TEX14: variants seen among roughly 807,000 people sequenced by gnomAD.
The protein encoded by TEX14 is inactive serine/threonine-protein kinase TEX14.
In TEX14, 168 loss-of-function variants were observed where a neutral mutation model predicts 178.6. That is an observed-to-expected ratio of 0.94 (90% CI 0.83 to 1.07). The LOEUF is 1.07. Among genes scored for constraint, TEX14 ranks in the 50% least tolerant of loss-of-function variants. The pLI is 0.00. For synonymous variants in TEX14, 626 were observed against 634.1 expected (o/e 0.99, Z 0.19); for missense variants, 1,730 against 1,753.6 (o/e 0.99, Z 0.24).
intron 1 of TEX14, among the ~76,000 whole-genome samples, chr17:58,687,556 G>C (rs1415413821): frequency 6.6e-6 from 1 of 151,822 alleles, no homozygotes; most frequent in African/African-American, 2.4e-5. Flanking sequence ...GGCTGGTCTT[G>C]AACTCATCTC....
intron 2 of TEX14, chr17:58,631,599 A>T (rs1461922186): frequency 1.3e-5 from 2 of 148,696 alleles, no homozygotes; most frequent in Non-Finnish European, 3.0e-5. Context: ...AAACATGAGG[A>T]AACCAACTAC....
chr17:58,600,271 C>T (rs2045397836), intron 13 of TEX14, among the ~76,000 whole-genome samples: 1 of 152,172 alleles, frequency 6.6e-6, no homozygotes, highest in Admixed American at 6.5e-5. Context: ...CGCCTGTAAT[C>T]CCAACACTTT....
rs1024645373 is a variant in TEX14 at position 58,691,211 on chromosome 17, C to T, written c.-2+728G>A. 2.0e-5 allele frequency among the ~76,000 whole-genome samples: 3 copies of T among 152,078 alleles called. No homozygotes were observed. The South Asian group carries it at 6.2e-4, about 31-fold the overall frequency. Reference sequence around the variant, plus strand: ...AAACTATATGCTGAGCTTCCATGTCCTTATCTTCCTTTTGGCATGGCTATG... The same window carrying T: ...AAACTATATGCTGAGCTTCCATGTCTTTATCTTCCTTTTGGCATGGCTATG... On this transcript the variant is annotated intron_variant, in intron 1 of 31. Coordinates refer to ENST00000349033, the MANE Select transcript of TEX14 (RefSeq NM_031272.5).
chr17:58,684,397 G>T (rs302879), intron 1 of TEX14, among the ~76,000 whole-genome samples: 1 of 151,416 alleles, frequency 6.6e-6, no homozygotes, highest in Non-Finnish European at 1.5e-5. Context: ...GGGAGGCGGA[G>T]GTTGGAGTGA....
At chr17:58,604,577 T>C (rs1464505985) in intron 11 of TEX14, among the ~76,000 whole-genome samples, 1 of 151,648 alleles carries the variant, frequency 6.6e-6, no homozygotes, top group East Asian at 1.9e-4. Flanking sequence ...TTTTTTTCTT[T>C]TGAGACAGAG....
chr17:58,677,681 C>T (rs1036610032), intron 1 of TEX14: 5 of 151,698 alleles, frequency 3.3e-5, no homozygotes, highest in African/African-American at 1.2e-4. Flanking sequence ...AATGAGTGAA[C>T]CTTGCCCTGG....
At position 58,573,165 on chromosome 17, in the gene TEX14, T is replaced by C. The variant is rs1255963335; in HGVS notation, c.3511+16A>G. 3 of 1,613,506 alleles carry C rather than the reference T, an allele frequency of 1.9e-6. No homozygotes were observed. In the South Asian group the frequency reaches 3.3e-5, roughly 18 times the overall value. On this transcript the variant is annotated intron_variant, in intron 23 of 31. Coordinates refer to ENST00000349033, the MANE Select transcript of TEX14 (RefSeq NM_031272.5). Reference sequence around the variant, plus strand: ...GTAAGTCCTTCTCCCCAAACACTTCTCTTCCCTGTGATTACCTGGGCTGAG... The same window carrying C: ...GTAAGTCCTTCTCCCCAAACACTTCCCTTCCCTGTGATTACCTGGGCTGAG...
chr17:58,628,662 A>G (rs1241217569), intron 3 of TEX14, among the ~76,000 whole-genome samples: 2 of 150,702 alleles, frequency 1.3e-5, no homozygotes, highest in African/African-American at 4.9e-5. Context: ...CAATGAGCCG[A>G]GATTGCGCCA....
At position 58,556,966 on chromosome 17, in the gene TEX14, G is replaced by GCTTACAACACTCAAAGGAGCTTACA; in HGVS notation, c.*44_*45insTGTAAGCTCCTTTGAGTGTTGTAAG. On this transcript the variant is annotated 3_prime_UTR_variant, in exon 32 of 32. Coordinates refer to ENST00000349033, the MANE Select transcript of TEX14 (RefSeq NM_031272.5). Reference sequence around the variant, plus strand: ...AGAGAAGAAAGGAGCTTACAACCAGGACACTCAAACTCAGGCCAGGAGTCC... The same window carrying GCTTACAACACTCAAAGGAGCTTACA: ...AGAGAAGAAAGGAGCTTACAACCAGGCTTACAACACTCAAAGGAGCTTACAACACTCAAACTCAGGCCAGGAGTCC... The GCTTACAACACTCAAAGGAGCTTACA allele has an allele frequency of 4.0e-6, 6 of 1,518,460 alleles. 1 individual carries two copies. In the African/African-American group the frequency reaches 5.5e-5, roughly 14 times the overall value. 94.1% of individuals were successfully genotyped at this position (1,518,460 alleles called of 1,614,324 possible).
At chr17:58,578,896 C>T (rs2044744695) in intron 20 of TEX14, among the ~76,000 whole-genome samples, 1 of 152,240 alleles carries the variant, frequency 6.6e-6, no homozygotes, top group African/African-American at 2.4e-5. Flanking sequence ...GTTCATAACA[C>T]TACGCTGTTT....
At position 58,611,264 on chromosome 17, in the gene TEX14, G is replaced by C. The variant is rs1567734591; in HGVS notation, c.1081C>G (p.Leu361Val). ...LLQISDALRYLHFQGFIHRSL... is the reference protein window; with the variant it reads ...LLQISDALRYVHFQGFIHRSL... ...CGGTGGATAAACCCCTGGAAATGCAGGTATCTCAGGGCATCAGATATCTGG... is the reference window on the plus strand; with the variant it reads ...CGGTGGATAAACCCCTGGAAATGCACGTATCTCAGGGCATCAGATATCTGG... The change falls in exon 10 of 32, where the codon CTG becomes GTG. Residue 361 changes from leucine (L) to valine (V), a missense_variant. This residue lies in a region of TEX14 where 789 missense variants were observed against 681.2 expected (regional missense o/e 1.16). Transcript: ENST00000349033. 6.2e-7 allele frequency: 1 copy of C among 1,613,176 alleles called. No individual in the cohort carries two copies. Among genetic ancestry groups the C allele is most frequent in the Non-Finnish European group, 8.5e-7 (1 of 1,179,284 alleles).
intron 5 of TEX14, among the ~76,000 whole-genome samples, chr17:58,620,715 G>A (rs2045979121): frequency 1.3e-5 from 2 of 152,058 alleles, no homozygotes; most frequent in Admixed American, 6.6e-5. Context: ...GGCTGGTCTC[G>A]AACTCCTGAC....
rs1223552644 is a variant in TEX14 at position 58,569,931 on chromosome 17, T to C, written c.3817+454A>G. Among the ~76,000 whole-genome samples, 1 of 152,146 alleles carries C rather than the reference T, an allele frequency of 6.6e-6. No individual in the cohort carries two copies. Among genetic ancestry groups the C allele is most frequent in the Non-Finnish European group, 1.5e-5 (1 of 68,024 alleles). ...AAAGGATCAGAGGTACAGATAAAAA[T>C]TTATGTATAAAGAGCAAAAATTGGA... On this transcript the variant is annotated intron_variant, in intron 25 of 31. Transcript: ENST00000349033. The surrounding 1 kb of genome is among the most constrained non-coding windows in gnomAD (Gnocchi z 4.1).
intron 11 of TEX14, among the ~76,000 whole-genome samples, chr17:58,603,399 C>T (rs768326600): frequency 2.2e-4 from 33 of 151,276 alleles, no homozygotes; most frequent in Non-Finnish European, 1.8e-4. Flanking sequence ...ACTAAAAATA[C>T]AAAAATTAGC....
intron 2 of TEX14, 125 bp from the exon 3 acceptor site, chr17:58,630,679 A>T (rs1290687079): frequency 2.1e-5 from 13 of 633,246 alleles, no homozygotes; most frequent in African/African-American, 7.4e-5. Context: ...GCTTTTTTTT[A>T]AAAAAAGTAC....
chr17:58,636,684 T>G (rs531513168), intron 2 of TEX14, among the ~76,000 whole-genome samples: 11 of 152,136 alleles, frequency 7.2e-5, no homozygotes, highest in African/African-American at 2.7e-4. Context: ...TCCCAGCACT[T>G]TGGGAGGCAC....
chr17:58,566,844 G>C (rs2044410704), intron 26 of TEX14, among the ~76,000 whole-genome samples: 1 of 148,820 alleles, frequency 6.7e-6, no homozygotes. Context: ...TGAAAGCAAA[G>C]AATATCCATC....
At chr17:58,565,919 T>C in intron 26 of TEX14, 95 bp from the exon 27 acceptor site, 1 of 952,548 alleles carries the variant, frequency 1.0e-6, no homozygotes, top group South Asian at 1.4e-5. Flanking sequence ...ATCCTTAGAC[T>C]TGCAGCATTA....
Position 58,559,578 on chromosome 17 carries a change from T to C in TEX14, c.4158-16A>G, listed in dbSNP as rs1347220140. 7.6e-7 allele frequency: 1 copy of C among 1,313,998 alleles called. No homozygotes were observed. The highest frequency in any genetic ancestry group is 2.3e-5 in the East Asian group (1 of 43,158). 81.4% of individuals were successfully genotyped at this position (1,313,998 alleles called of 1,614,324 possible). On this transcript the variant is annotated splice_polypyrimidine_tract_variant and intron_variant, in intron 29 of 31. Coordinates refer to ENST00000349033, the MANE Select transcript of TEX14 (RefSeq NM_031272.5). Reference sequence around the variant, plus strand: ...ATTTGTCTCCCTGTAACAACAATTATTTGGGGAATCAAAACGTATACACAA... The same window carrying C: ...ATTTGTCTCCCTGTAACAACAATTACTTGGGGAATCAAAACGTATACACAA...
Sources: gnomAD v4.1 joint callset for allele counts (sites outside exome capture counted in the v4.1 genomes callset) on GRCh38, gnomAD v4.1.1 for gene constraint, gnomAD v4.1.1 regional missense constraint, Gnocchi (gnomAD v3.1) non-coding constraint, MANE v1.5 for transcripts, NCBI Gene and HGNC (gene_info 2026-07-23, HGNC 2026-07-21) for gene names.